Variants in SYN3 observed in about 807,000 individuals in gnomAD.
SYN3 encodes the protein synapsin-3.
SYN3 carries 35 observed loss-of-function variants against 65.8 expected under a neutral mutation model. The observed-to-expected ratio is 0.53, with a 90% CI of 0.41 to 0.70. The LOEUF (loss-of-function observed/expected upper bound fraction) is 0.70, where lower values mean the gene tolerates loss of function less well. Among genes scored for constraint, SYN3 ranks in the 30% least tolerant of loss-of-function variants. The pLI, the probability that SYN3 is intolerant of heterozygous loss-of-function variation, is 0.00. For synonymous variants in SYN3, 270 were observed against 292.9 expected, an observed-to-expected ratio of 0.92 and a Z score of 0.80; for missense variants, 680 against 749.0, an observed-to-expected ratio of 0.91 and a Z score of 1.08.
In SYN3 at chr22:32,838,256, GA is replaced by G. The variant is rs1453603840; in HGVS notation, c.711+26658del. Among the ~76,000 whole-genome samples the G allele has an allele frequency of 2.6e-5, 4 of 152,116 alleles. No individual in the cohort carries two copies. The East Asian group carries it at 7.7e-4, about 29-fold the overall frequency. On this transcript the variant is annotated intron_variant, in intron 6 of 13. Transcript: ENST00000358763. Reference sequence around the variant, plus strand: ...AATTTCAAGTGGACTTGAGGAGAAGGAGGGGGGGTGGCAAAATAAAACAAAC... The same window carrying G: ...AATTTCAAGTGGACTTGAGGAGAAGGGGGGGGGTGGCAAAATAAAACAAAC...
At chr22:32,708,513 T>TA (rs1296456380) in intron 6 of SYN3, among the ~76,000 whole-genome samples, 3 of 152,170 alleles carry the variant, frequency 2.0e-5, no homozygotes, top group African/African-American at 7.2e-5. Context: ...GACACAGTTT[T>TA]AAAACCATCG....
intron 6 of SYN3, among the ~76,000 whole-genome samples, chr22:32,665,833 C>T (rs1463427762): frequency 6.6e-6 from 1 of 152,122 alleles, no homozygotes; most frequent in African/African-American, 2.4e-5. Flanking sequence ...ACTCTTAACA[C>T]TATCTATATG....
chr22:33,036,074 A>C (rs546409700), intron 1 of SYN3, among the ~76,000 whole-genome samples: 197 of 152,254 alleles, frequency 1.3e-3, no homozygotes, highest in Non-Finnish European at 1.8e-4. Context: ...CCGGGCACTA[A>C]GGAAAGTCTC....
chr22:32,538,898 T>C (rs187679933), intron 8 of SYN3, among the ~76,000 whole-genome samples: 2 of 152,248 alleles, frequency 1.3e-5, no homozygotes, highest in South Asian at 2.1e-4. Context: ...GTAGGGGACA[T>C]GTTTAACTTC....
chr22:32,571,925 G>C (rs1192375046), intron 7 of SYN3, among the ~76,000 whole-genome samples: 4 of 152,026 alleles, frequency 2.6e-5, no homozygotes, highest in Non-Finnish European at 5.9e-5. Flanking sequence ...CAGGCTGTGT[G>C]CTCGGTGTTG....
intron 1 of SYN3, among the ~76,000 whole-genome samples, chr22:33,020,509 C>T (rs912662634): frequency 6.6e-6 from 1 of 152,154 alleles, no homozygotes; most frequent in Non-Finnish European, 1.5e-5. Flanking sequence ...TAAAATGATT[C>T]TTCCAATGGT....
At chr22:32,825,675 A>G (rs113008914) in intron 6 of SYN3, among the ~76,000 whole-genome samples, 1 of 146,730 alleles carries the variant, frequency 6.8e-6, no homozygotes, top group Admixed American at 6.9e-5. Context: ...AAAAAAAAAA[A>G]AAAAAAAAAA....
intron 4 of SYN3, among the ~76,000 whole-genome samples, chr22:32,919,330 C>T (rs2050273100): frequency 6.6e-6 from 1 of 152,216 alleles, no homozygotes; most frequent in Admixed American, 6.5e-5. Context: ...TTTCTCATGA[C>T]CTGCCCTTAG....
intron 7 of SYN3, among the ~76,000 whole-genome samples, chr22:32,571,841 C>T (rs188706003): frequency 1.2e-3 from 182 of 152,188 alleles, no homozygotes; most frequent in African/African-American, 4.1e-3. Context: ...CCACTGCATC[C>T]TCAGTGCCCA....
chr22:33,034,622 A>G (rs939199549), intron 1 of SYN3, among the ~76,000 whole-genome samples: 1 of 152,138 alleles, frequency 6.6e-6, no homozygotes, highest in East Asian at 1.9e-4. Flanking sequence ...TAACTAAATA[A>G]TAAGAACAAC....
intron 6 of SYN3, among the ~76,000 whole-genome samples, chr22:32,681,909 G>A (rs1443247252): frequency 6.6e-6 from 1 of 152,196 alleles, no homozygotes; most frequent in Non-Finnish European, 1.5e-5. Context: ...CTGGAGGTAT[G>A]GGATGGTGGA....
chr22:32,524,595 T>A (rs2057943799), intron 12 of SYN3, among the ~76,000 whole-genome samples: 1 of 152,258 alleles, frequency 6.6e-6, no homozygotes, highest in African/African-American at 2.4e-5. Flanking sequence ...AATGCATCTA[T>A]CCACACAATA....
At chr22:32,565,263 CAAT>C (rs1265437689) in intron 7 of SYN3, among the ~76,000 whole-genome samples, 1 of 152,154 alleles carries the variant, frequency 6.6e-6, no homozygotes, top group Non-Finnish European at 1.5e-5. Flanking sequence ...TTGGGTGACA[CAAT>C]GATGCAGGTG....
chr22:32,746,647 G>A (rs976694865), intron 6 of SYN3, among the ~76,000 whole-genome samples: 1 of 152,102 alleles, frequency 6.6e-6, no homozygotes, highest in African/African-American at 2.4e-5. Context: ...GTCTTCCTCT[G>A]GGCCCCCAGT....
chr22:32,617,954 C>G (rs2059543209), intron 6 of SYN3, among the ~76,000 whole-genome samples: 1 of 152,024 alleles, frequency 6.6e-6, no homozygotes, highest in Non-Finnish European at 1.5e-5. Context: ...ATTGTGATTA[C>G]TTATCACAAT....
intron 6 of SYN3, among the ~76,000 whole-genome samples, chr22:32,832,850 C>T (rs1032981990): frequency 2.0e-5 from 3 of 152,162 alleles, no homozygotes; most frequent in African/African-American, 7.2e-5. Context: ...CCCTCAGCCT[C>T]CCAAGTAGCT....
intron 7 of SYN3, among the ~76,000 whole-genome samples, chr22:32,556,803 GGTTTTTTTTTTTT>G (rs1569035288): frequency 2.8e-5 from 1 of 35,262 alleles, no homozygotes; most frequent in African/African-American, 9.5e-5. Flanking sequence ...TAGGTTTCCT[GGTTTTTTTTTTTT>G]TTTTTTTTTT....
chr22:33,040,060 C>T (rs1014748333), intron 1 of SYN3, among the ~76,000 whole-genome samples: 4 of 151,170 alleles, frequency 2.6e-5, no homozygotes, highest in Non-Finnish European at 2.9e-5. Context: ...TGGAGTCTCC[C>T]GCTCTGTCGC....
intron 1 of SYN3, among the ~76,000 whole-genome samples, chr22:33,030,324 G>A (rs1404542906): frequency 6.6e-6 from 1 of 152,204 alleles, no homozygotes; most frequent in Non-Finnish European, 1.5e-5. Flanking sequence ...CCTTGCTTAG[G>A]GCTGTGATAT....
Sources: gnomAD v4.1 joint callset for allele counts (sites outside exome capture counted in the v4.1 genomes callset) on GRCh38, gnomAD v4.1.1 for gene constraint, MANE v1.5 for transcripts, NCBI Gene and HGNC (gene_info 2026-07-23, HGNC 2026-07-21) for gene names.